GRID2: variants seen among roughly 807,000 people sequenced by gnomAD.
GRID2 encodes the protein glutamate receptor ionotropic, delta-2.
Under a neutral mutation model 114.8 loss-of-function variants are expected in GRID2, and 33 were observed. The ratio of observed to expected loss-of-function variants is 0.29; its 90% CI spans 0.22 to 0.38. The LOEUF is 0.38. GRID2 is among the 10% of genes least tolerant of loss of function. The pLI is 1.00. For synonymous variants in GRID2, 505 were observed against 449.9 expected (o/e 1.12, Z -1.55); for missense variants, 1,184 against 1,257.7 (o/e 0.94, Z 0.89).
intron 11 of GRID2, among the ~76,000 whole-genome samples, chr4:93,474,881 A>T (rs557552850): frequency 1.3e-5 from 2 of 152,272 alleles, no homozygotes; most frequent in African/African-American, 4.8e-5. Flanking sequence ...AACACTTAAA[A>T]CAATGCATAA....
chr4:93,538,589 C>T (rs919006729), intron 13 of GRID2, among the ~76,000 whole-genome samples: 1 of 151,670 alleles, frequency 6.6e-6, no homozygotes, highest in African/African-American at 2.4e-5. Context: ...ACAAACACTA[C>T]CTTGATCAAG....
chr4:92,613,966 T>C (rs1259250294), intron 2 of GRID2, among the ~76,000 whole-genome samples: 1 of 151,542 alleles, frequency 6.6e-6, no homozygotes, highest in Non-Finnish European at 1.5e-5. Flanking sequence ...TTGAGATACA[T>C]ATAATATATA....
intron 2 of GRID2, among the ~76,000 whole-genome samples, chr4:92,880,581 G>A (rs1421683606): frequency 6.6e-6 from 1 of 152,018 alleles, no homozygotes; most frequent in African/African-American, 2.4e-5. Context: ...GAAAGTGTTT[G>A]TTTCGTTTCA....
chr4:92,510,442 G>C (rs1286583852), intron 1 of GRID2, among the ~76,000 whole-genome samples: 1 of 151,808 alleles, frequency 6.6e-6, no homozygotes, highest in Non-Finnish European at 1.5e-5. Flanking sequence ...AAGTGTCCAG[G>C]CTAGAGGTAT....
chr4:92,673,209 G>C (rs1023290829), intron 2 of GRID2, among the ~76,000 whole-genome samples: 1 of 151,890 alleles, frequency 6.6e-6, no homozygotes, highest in Non-Finnish European at 1.5e-5. Context: ...GGTTACTCTA[G>C]TGTTTACAAA....
intron 2 of GRID2, among the ~76,000 whole-genome samples, chr4:92,646,972 G>A (rs906917253): frequency 6.6e-6 from 1 of 151,098 alleles, no homozygotes; most frequent in African/African-American, 2.4e-5. Context: ...ATTTTGGAAA[G>A]TATCCAACTG....
intron 1 of GRID2, among the ~76,000 whole-genome samples, chr4:92,554,410 G>A (rs6834619): frequency 0.014 from 2,174 of 152,214 alleles, 50 homozygotes; most frequent in African/African-American, 0.049. Context: ...GTTCTGTTCC[G>A]AGTATAAAGC....
intron 14 of GRID2, among the ~76,000 whole-genome samples, chr4:93,679,729 C>A (rs571180917): frequency 1.3e-5 from 2 of 150,788 alleles, no homozygotes. Flanking sequence ...TGGAAACCAA[C>A]GAGAACAAAG....
In GRID2 at chr4:93,515,391, T is replaced by C; in HGVS notation, c.2173T>C (p.Ser725Pro). ...SNGSENNVLESQAGIQKVKYG... is the reference protein window; with the variant it reads ...SNGSENNVLEPQAGIQKVKYG... ...TGGATCGGAGAACAATGTTCTGGAGTCCCAGGCAGGCATTCAAAAGGTACT... is the reference window on the plus strand; with the variant it reads ...TGGATCGGAGAACAATGTTCTGGAGCCCCAGGCAGGCATTCAAAAGGTACT... Residue 725 changes from serine (S) to proline (P), a missense_variant, in exon 13 of 16, where the codon TCC becomes CCC. By Grantham distance (74) the Ser-to-Pro change is moderately conservative (BLOSUM62 -1). Coordinates refer to ENST00000282020, the MANE Select transcript of GRID2 (RefSeq NM_001510.4). 1 of 1,611,254 alleles carries C rather than the reference T, an allele frequency of 6.2e-7. No homozygotes were observed.
intron 13 of GRID2, among the ~76,000 whole-genome samples, chr4:93,607,810 T>C (rs1050145205): frequency 6.6e-6 from 1 of 152,072 alleles, no homozygotes; most frequent in African/African-American, 2.4e-5. Context: ...ACATATATAT[T>C]TGTACTATTT....
chr4:93,308,312 G>T lies in GRID2; in HGVS notation c.1245+69822G>T, dbSNP rs370642861. ...TAAGCTGTGTTTTGTGGTTTCGAAA[G>T]TGTCTAGCATGACCTGTGAATCTAT... On this transcript the variant is annotated intron_variant, in intron 8 of 15. Transcript: ENST00000282020. 2.0e-5 allele frequency among the ~76,000 whole-genome samples: 3 copies of T among 152,248 alleles called. No homozygotes were observed. The East Asian group carries it at 5.8e-4, about 29-fold the overall frequency.
intron 14 of GRID2, among the ~76,000 whole-genome samples, chr4:93,748,099 A>G (rs1244899399): frequency 1.3e-5 from 2 of 152,174 alleles, no homozygotes; most frequent in Admixed American, 6.5e-5. Flanking sequence ...GACCCAAAGC[A>G]TAGTTTATAT....
chr4:93,568,426 CATGTTCAT>C (rs1188910364), intron 13 of GRID2, among the ~76,000 whole-genome samples: 1 of 152,132 alleles, frequency 6.6e-6, no homozygotes, highest in Non-Finnish European at 1.5e-5. Context: ...ATTGATACTT[CATGTTCAT>C]GGATTCTAAA....
At chr4:93,589,824 T>C (rs1181228125) in intron 13 of GRID2, among the ~76,000 whole-genome samples, 1 of 152,110 alleles carries the variant, frequency 6.6e-6, no homozygotes, top group East Asian at 1.9e-4. Flanking sequence ...CATTTTTTCA[T>C]GTGTTTTTTG....
intron 1 of GRID2, among the ~76,000 whole-genome samples, chr4:92,378,036 C>T (rs1729437969): frequency 6.6e-6 from 1 of 151,536 alleles, no homozygotes; most frequent in South Asian, 2.1e-4. Flanking sequence ...GCAAAAATTA[C>T]TGTCTTTTTG....
At chr4:93,567,235 T>C (rs1381142764) in intron 13 of GRID2, among the ~76,000 whole-genome samples, 1 of 152,240 alleles carries the variant, frequency 6.6e-6, no homozygotes, top group Non-Finnish European at 1.5e-5. Flanking sequence ...AATTTAAATC[T>C]GATATGGTTA....
At chr4:93,361,036 T>C (rs1429980594) in intron 8 of GRID2, among the ~76,000 whole-genome samples, 1 of 152,122 alleles carries the variant, frequency 6.6e-6, no homozygotes, top group Non-Finnish European at 1.5e-5. Context: ...TTATCTAATA[T>C]AACCATTGCT....
intron 1 of GRID2, among the ~76,000 whole-genome samples, chr4:93,784,207 C>A (rs1465275257): frequency 6.6e-6 from 1 of 151,932 alleles, no homozygotes; most frequent in Non-Finnish European, 1.5e-5. Context: ...TACCTGGAAG[C>A]CTTGTAGTAA....
intron 5 of GRID2, among the ~76,000 whole-genome samples, chr4:93,213,816 G>A (rs1560994798): frequency 6.6e-6 from 1 of 151,754 alleles, no homozygotes; most frequent in East Asian, 1.9e-4. Flanking sequence ...TTTCTTCCTC[G>A]GGGCTTTCAC....
Sources: gnomAD v4.1 joint callset for allele counts (sites outside exome capture counted in the v4.1 genomes callset) on GRCh38, gnomAD v4.1.1 for gene constraint, MANE v1.5 for transcripts, NCBI Gene and HGNC (gene_info 2026-07-23, HGNC 2026-07-21) for gene names.